The following SPMIP3 variants were observed in gnomAD, a reference collection of about 807,000 sequenced individuals.
SPMIP3 encodes sperm microtubule inner protein 3, also known as protein SPMIP3.
chr1:244,382,668 A>G, the SPMIP3 span, among the ~76,000 whole-genome samples: 1 of 146,664 alleles, frequency 6.8e-6, no homozygotes, highest in Non-Finnish European at 1.5e-5. Flanking sequence ...CAGTGGCGCA[A>G]TCTCATCTCA....
chr1:244,361,460 C>T, the SPMIP3 span, among the ~76,000 whole-genome samples: 2 of 151,928 alleles, frequency 1.3e-5, no homozygotes, highest in Non-Finnish European at 2.9e-5. Context: ...AACTCCAGAC[C>T]TCAAGTCATC....
the SPMIP3 span, chr1:244,389,255 T>C: frequency 3.8e-5 from 17 of 453,182 alleles, no homozygotes; most frequent in East Asian, 6.5e-4. Context: ...AGATCTATCC[T>C]TAAGAGAACT....
the SPMIP3 span, among the ~76,000 whole-genome samples, chr1:244,366,057 G>A: frequency 1.3e-5 from 2 of 152,194 alleles, no homozygotes; most frequent in Non-Finnish European, 2.9e-5. Flanking sequence ...CGACGGGTCT[G>A]CAGCAGTGTA....
At chr1:244,367,210 C>T in the SPMIP3 span, among the ~76,000 whole-genome samples, 3 of 152,112 alleles carry the variant, frequency 2.0e-5, no homozygotes, top group Non-Finnish European at 4.4e-5. Context: ...GAGAAGTTCC[C>T]GGAGGGCTTT....
At chr1:244,362,645 C>T in the SPMIP3 span, among the ~76,000 whole-genome samples, 6 of 152,048 alleles carry the variant, frequency 3.9e-5, no homozygotes, top group African/African-American at 1.4e-4. Flanking sequence ...AAATGACCTG[C>T]CGCAGGTCAC....
At chr1:244,386,731 G>A in the SPMIP3 span, among the ~76,000 whole-genome samples, 9 of 152,146 alleles carry the variant, frequency 5.9e-5, no homozygotes, top group African/African-American at 4.8e-5. Context: ...CTCATTTCTA[G>A]TCATACTCCT....
chr1:244,374,385 G>C, the SPMIP3 span, among the ~76,000 whole-genome samples: 3 of 151,898 alleles, frequency 2.0e-5, no homozygotes, highest in Admixed American at 1.3e-4. Flanking sequence ...CTTGTGCTTT[G>C]ACATCACAGT....
At chr1:244,389,344 C>A in the SPMIP3 span, 1 of 224,646 alleles carries the variant, frequency 4.5e-6, no homozygotes, top group Non-Finnish European at 8.9e-6. Context: ...TACGCAGGAT[C>A]AGGTAAGAAG....
chr1:244,381,169 C>T, the SPMIP3 span, among the ~76,000 whole-genome samples: 1 of 151,524 alleles, frequency 6.6e-6, no homozygotes, highest in African/African-American at 2.4e-5. Flanking sequence ...AGGCTTGGGG[C>T]AGTAGAAGTT....
At chr1:244,379,964 CAA>C in the SPMIP3 span, among the ~76,000 whole-genome samples, 1,385 of 145,680 alleles carry the variant, frequency 9.5e-3, 22 homozygotes, top group African/African-American at 0.03. Context: ...GCAAAACTGT[CAA>C]AAAAAAAAAA....
At chr1:244,374,828 C>T in the SPMIP3 span, among the ~76,000 whole-genome samples, 1,234 of 152,010 alleles carry the variant, frequency 8.1e-3, 21 homozygotes, top group African/African-American at 0.028. Context: ...GAACTCCTGA[C>T]CCCAAGTGAT....
At chr1:244,378,746 C>T in the SPMIP3 span, 7 of 1,235,458 alleles carry the variant, frequency 5.7e-6, no homozygotes, top group South Asian at 5.8e-5. Flanking sequence ...TGGGACCAGT[C>T]GAGTTGGAGG....
the SPMIP3 span, among the ~76,000 whole-genome samples, chr1:244,380,881 A>G: frequency 1.3e-5 from 2 of 151,640 alleles, no homozygotes; most frequent in Non-Finnish European, 2.9e-5. Flanking sequence ...GGGTGGCAAT[A>G]GCCATGGGGG....
At chr1:244,366,820 C>T in the SPMIP3 span, among the ~76,000 whole-genome samples, 5 of 152,034 alleles carry the variant, frequency 3.3e-5, no homozygotes, top group East Asian at 1.9e-4. Context: ...GCAGAGGTTG[C>T]GATGAGCCGA....
At chr1:244,373,266 T>C in the SPMIP3 span, among the ~76,000 whole-genome samples, 4 of 145,240 alleles carry the variant, frequency 2.8e-5, no homozygotes, top group Non-Finnish European at 4.5e-5. Flanking sequence ...TTCTCTACCA[T>C]GTCATGAACC....
chr1:244,386,132 C>T, the SPMIP3 span, among the ~76,000 whole-genome samples: 23,415 of 152,046 alleles, frequency 0.15, 2,153 homozygotes, highest in South Asian at 0.33. Flanking sequence ...GAGCCAAGAT[C>T]GCACCACTGC....
chr1:244,378,679 C>A, the SPMIP3 span: 1 of 1,572,772 alleles, frequency 6.4e-7, no homozygotes, highest in Non-Finnish European at 8.7e-7. Flanking sequence ...TGAGATTAAC[C>A]TTGCCTGGGC....
the SPMIP3 span, among the ~76,000 whole-genome samples, chr1:244,354,517 G>A: frequency 3.3e-5 from 5 of 151,958 alleles, no homozygotes; most frequent in African/African-American, 7.3e-5. Context: ...CACCACACCC[G>A]GATAATTTGT....
the SPMIP3 span, among the ~76,000 whole-genome samples, chr1:244,371,669 C>T: frequency 1.3e-5 from 2 of 152,098 alleles, no homozygotes; most frequent in Admixed American, 1.3e-4. Context: ...TGTATGCACG[C>T]CATGGTCAAA....
Sources: gnomAD v4.1 joint callset for allele counts (sites outside exome capture counted in the v4.1 genomes callset) on GRCh38, gnomAD v4.1.1 for gene constraint, MANE v1.5 for transcripts, NCBI Gene and HGNC (gene_info 2026-07-23, HGNC 2026-07-21) for gene names.